The following SLC44A5 variants were observed in gnomAD, a reference collection of about 807,000 sequenced individuals.
SLC44A5 encodes the protein choline transporter-like protein 5.
A neutral mutation model predicts 101.8 loss-of-function variants in SLC44A5; 57 were observed. The ratio of observed to expected loss-of-function variants is 0.56; its 90% CI spans 0.45 to 0.70. The LOEUF (loss-of-function observed/expected upper bound fraction) is 0.70. Ranked by LOEUF, SLC44A5 falls within the 30% of genes least tolerant of loss-of-function variation. The pLI, the probability that SLC44A5 is intolerant of heterozygous loss-of-function variation, is 0.00. For synonymous variants in SLC44A5, 281 were observed against 290.9 expected, an observed-to-expected ratio of 0.97 and a Z score of 0.35; for missense variants, 737 against 853.1, an observed-to-expected ratio of 0.86 and a Z score of 1.70.
chr1:75,424,670 T>C (rs1004425839), intron 2 of SLC44A5, among the ~76,000 whole-genome samples: 3 of 152,162 alleles, frequency 2.0e-5, no homozygotes, highest in African/African-American at 2.4e-5. Context: ...AGCCAAAAAA[T>C]GATGTCTGAT....
Position 75,287,047 on chromosome 1 carries a change from T to C in SLC44A5, c.176-12005A>G, listed in dbSNP as rs1381137569. On this transcript the variant is annotated intron_variant, in intron 5 of 23. Transcript: ENST00000370859. ...CCCTCAAATATGTTATCCAAACTTTTAGATTTCTCTTCTTCCTTGTGAACA... is the reference window on the plus strand; with the variant it reads ...CCCTCAAATATGTTATCCAAACTTTCAGATTTCTCTTCTTCCTTGTGAACA... 4.6e-5 allele frequency among the ~76,000 whole-genome samples: 7 copies of C among 152,180 alleles called. No homozygotes were observed. In the South Asian group the frequency reaches 8.3e-4, roughly 18 times the overall value.
At chr1:75,678,463 C>T in the SLC44A5 span, among the ~76,000 whole-genome samples, 9 of 152,036 alleles carry the variant, frequency 5.9e-5, no homozygotes, top group East Asian at 1.9e-4. Flanking sequence ...CCCTGACACC[C>T]GAGCAGCCTA....
At chr1:75,390,706 G>C (rs1375946051) in intron 3 of SLC44A5, among the ~76,000 whole-genome samples, 2 of 152,008 alleles carry the variant, frequency 1.3e-5, no homozygotes. Context: ...AAAATAATGA[G>C]CAATTTATGA....
intron 1 of SLC44A5, among the ~76,000 whole-genome samples, chr1:75,563,424 T>G (rs1427572295): frequency 6.6e-6 from 1 of 152,108 alleles, no homozygotes; most frequent in Non-Finnish European, 1.5e-5. Context: ...ACATGTACTT[T>G]GTCTGCTCTA....
chr1:75,715,935 A>G, the SLC44A5 span, among the ~76,000 whole-genome samples: 5 of 152,198 alleles, frequency 3.3e-5, no homozygotes, highest in Non-Finnish European at 7.3e-5. Flanking sequence ...AATATCTAGA[A>G]TCTATAAGGA....
chr1:75,273,833 G>C (rs949906870), intron 6 of SLC44A5, among the ~76,000 whole-genome samples: 6 of 151,996 alleles, frequency 3.9e-5, no homozygotes, highest in Non-Finnish European at 8.8e-5. Flanking sequence ...TTGGTCTGTA[G>C]GTTTCATTTT....
At chr1:75,673,067 G>A in the SLC44A5 span, among the ~76,000 whole-genome samples, 1 of 152,150 alleles carries the variant, frequency 6.6e-6, no homozygotes, top group East Asian at 1.9e-4. Context: ...CTTGAGGAAA[G>A]AGCAAGGAAG....
the SLC44A5 span, among the ~76,000 whole-genome samples, chr1:75,632,492 T>C: frequency 1.3e-5 from 2 of 152,152 alleles, no homozygotes; most frequent in African/African-American, 4.8e-5. Flanking sequence ...TTCCACACAG[T>C]TTACTCCATT....
chr1:75,640,262 T>C, the SLC44A5 span, among the ~76,000 whole-genome samples: 1 of 152,048 alleles, frequency 6.6e-6, no homozygotes, highest in Non-Finnish European at 1.5e-5. Context: ...TCAGCTTGGA[T>C]GGTTGGACCA....
chr1:75,224,746 T>C, intron 13 of SLC44A5, among the ~76,000 whole-genome samples: 1 of 150,178 alleles, frequency 6.7e-6, no homozygotes, highest in Non-Finnish European at 1.5e-5. Flanking sequence ...TGTGCCTCCA[T>C]TTTTAACAAA....
chr1:75,236,701 C>T (rs1302092328), intron 11 of SLC44A5, among the ~76,000 whole-genome samples: 1 of 152,016 alleles, frequency 6.6e-6, no homozygotes, highest in Non-Finnish European at 1.5e-5. Context: ...GCAGATATTG[C>T]TCCATGTGAC....
intron 2 of SLC44A5, among the ~76,000 whole-genome samples, chr1:75,487,720 A>G (rs1042330095): frequency 1.2e-4 from 19 of 152,176 alleles, no homozygotes; most frequent in Non-Finnish European, 2.5e-4. Context: ...TCATTGTGTG[A>G]ATGTCATAGA....
the SLC44A5 span, among the ~76,000 whole-genome samples, chr1:75,673,875 C>A: frequency 2.8e-3 from 425 of 152,296 alleles, 2 homozygotes; most frequent in Middle Eastern, 0.024. Flanking sequence ...TCTCATAATG[C>A]AGATATGACC....
chr1:75,259,712 A>G (rs998784675), intron 6 of SLC44A5, among the ~76,000 whole-genome samples: 2 of 152,128 alleles, frequency 1.3e-5, no homozygotes, highest in African/African-American at 4.8e-5. Flanking sequence ...AAGAGCAACC[A>G]CAAGACACAC....
chr1:75,681,325 T>C, the SLC44A5 span, among the ~76,000 whole-genome samples: 1 of 152,142 alleles, frequency 6.6e-6, no homozygotes, highest in African/African-American at 2.4e-5. Context: ...TTTAGACCAA[T>C]ATTCTTGATG....
the SLC44A5 span, among the ~76,000 whole-genome samples, chr1:75,659,651 T>G: frequency 1.3e-4 from 16 of 121,304 alleles, no homozygotes; most frequent in Non-Finnish European, 1.1e-4. Flanking sequence ...AAAAAAAAAG[T>G]TAACTGAGCC....
chr1:75,722,817 G>GT, the SLC44A5 span, among the ~76,000 whole-genome samples: 1 of 152,310 alleles, frequency 6.6e-6, no homozygotes, highest in South Asian at 2.1e-4. Flanking sequence ...AGTAACTGCT[G>GT]TAACGATGGT....
chr1:75,416,644 C>A (rs771747518), intron 2 of SLC44A5, among the ~76,000 whole-genome samples: 3 of 152,152 alleles, frequency 2.0e-5, no homozygotes, highest in Non-Finnish European at 4.4e-5. Context: ...CGACACCAGC[C>A]CATGAAAGCA....
the SLC44A5 span, among the ~76,000 whole-genome samples, chr1:75,650,538 C>T: frequency 1.2e-4 from 18 of 152,166 alleles, no homozygotes; most frequent in Non-Finnish European, 2.4e-4. Context: ...CATCAATCTG[C>T]CACAGGGTCC....
Sources: allele counts gnomAD v4.1 joint callset (sites outside exome capture counted in the v4.1 genomes callset), GRCh38; gene constraint gnomAD v4.1.1; transcripts MANE v1.5; gene names NCBI Gene and HGNC (gene_info 2026-07-23, HGNC 2026-07-21).